Variants in CDK6 observed in about 807,000 individuals in gnomAD.
CDK6 encodes the protein cyclin dependent kinase 6.
CDK6 carries 6 observed loss-of-function variants against 37.1 expected under a neutral mutation model. That is an observed-to-expected ratio of 0.16 (90% CI 0.09 to 0.32). CDK6 has a LOEUF of 0.32. CDK6 is among the 10% of genes least tolerant of loss of function. The pLI, the probability that CDK6 is intolerant of heterozygous loss-of-function variation, is 1.00. For synonymous variants in CDK6, 160 were observed against 161.3 expected (o/e 0.99, Z 0.06); for missense variants, 224 against 418.9 (o/e 0.53, Z 4.06).
chr7:92,694,634 C>T (rs989591779), intron 4 of CDK6, among the ~76,000 whole-genome samples: 3 of 152,158 alleles, frequency 2.0e-5, no homozygotes, highest in Non-Finnish European at 2.9e-5. Context: ...GGCTAGAGAA[C>T]AATCATGTCT....
At chr7:92,709,035 T>C (rs1798028157) in intron 4 of CDK6, among the ~76,000 whole-genome samples, 1 of 152,186 alleles carries the variant, frequency 6.6e-6, no homozygotes, top group Non-Finnish European at 1.5e-5. Context: ...AAATTTCATA[T>C]CAGATTTTGA....
At chr7:92,826,602 G>C (rs1450213754) in intron 2 of CDK6, among the ~76,000 whole-genome samples, 1 of 152,126 alleles carries the variant, frequency 6.6e-6, no homozygotes, top group Non-Finnish European at 1.5e-5. Context: ...AACAAATACA[G>C]AGGAAGAACA....
At position 92,617,705 on chromosome 7, in the gene CDK6, G is replaced by A. The variant is rs73710418; in HGVS notation, c.834+367C>T. ...GTTGTGAATGTTTAAGAAAAGGCAC[G>A]TTAAAATGACAAACAAATTACTTAA... On this transcript the variant is annotated intron_variant, in intron 7 of 7. Coordinates refer to ENST00000424848, the MANE Select transcript of CDK6 (RefSeq NM_001145306.2). Among the ~76,000 whole-genome samples the A allele has an allele frequency of 2.9e-3, 435 of 152,274 alleles. 1 individual carries two copies. Among genetic ancestry groups the A allele is most frequent in the African/African-American group, 1.0e-2 (415 of 41,548 alleles).
intron 5 of CDK6, among the ~76,000 whole-genome samples, chr7:92,645,040 C>G (rs77183195): frequency 0.042 from 6,320 of 152,256 alleles, 178 homozygotes; most frequent in Non-Finnish European, 0.058. Context: ...GCATGGAAAG[C>G]AAATTGTTCA....
chr7:92,809,941 T>C (rs1415862909), intron 2 of CDK6, among the ~76,000 whole-genome samples: 1 of 152,174 alleles, frequency 6.6e-6, no homozygotes, highest in South Asian at 2.1e-4. Flanking sequence ...TTCAAAGGTA[T>C]GCGTACTTCC....
At chr7:92,670,185 T>C (rs1797043105) in intron 5 of CDK6, among the ~76,000 whole-genome samples, 1 of 152,196 alleles carries the variant, frequency 6.6e-6, no homozygotes, top group Non-Finnish European at 1.5e-5. Context: ...TTTGTTCTTA[T>C]TGGTAGGACT....
rs182847213 is a variant in CDK6 at position 92,786,885 on chromosome 7, A to C, written c.234-12054T>G. ...CCACATATGTAAACATAATGGTAGA[A>C]AGATAAATCAAGATGTGGCTGGGTG... is the stretch of plus-strand genomic sequence containing the variant. On this transcript the variant is annotated intron_variant, in intron 2 of 7. Coordinates refer to ENST00000424848, the MANE Select transcript of CDK6 (RefSeq NM_001145306.2). Among the ~76,000 whole-genome samples the C allele has an allele frequency of 1.2e-3, 178 of 152,186 alleles. 1 individual carries two copies. Among genetic ancestry groups the C allele is most frequent in the African/African-American group, 4.2e-3 (173 of 41,554 alleles).
chr7:92,773,553 A>T (rs1799772049), intron 3 of CDK6, among the ~76,000 whole-genome samples: 1 of 152,194 alleles, frequency 6.6e-6, no homozygotes, highest in Admixed American at 6.5e-5. Context: ...CAGAGGAAAG[A>T]GGGGTGCACA....
intron 3 of CDK6, among the ~76,000 whole-genome samples, chr7:92,726,042 A>G (rs944173508): frequency 6.6e-6 from 1 of 152,156 alleles, no homozygotes; most frequent in Non-Finnish European, 1.5e-5. Flanking sequence ...ATAGTTTTTG[A>G]TGGAATAGGA....
chr7:92,732,296 G>A (rs112967439), intron 3 of CDK6, among the ~76,000 whole-genome samples: 14,473 of 152,032 alleles, frequency 0.095, 802 homozygotes, highest in South Asian at 0.22. Context: ...TCATGCCTGT[G>A]GACCCAGCTA....
chr7:92,834,577 CCTTAAA>C lies in CDK6; in HGVS notation c.-367-893_-367-888del, dbSNP rs1308008184. On this transcript the variant is annotated intron_variant, in intron 1 of 7. Transcript: ENST00000424848. The surrounding 1 kb of genome is among the most constrained non-coding windows in gnomAD (Gnocchi z 4.6). The stretch of plus-strand genomic sequence containing the variant: ...TTCGCCACAATTTCGCTTGTCGTCT[CCTTAAA>C]GAATAACTTCAGGAAGGGGATAGCA... Among the ~76,000 whole-genome samples, 1 of 151,276 alleles carries C rather than the reference CCTTAAA, an allele frequency of 6.6e-6. No individual in the cohort carries two copies. Among genetic ancestry groups the C allele is most frequent in the Non-Finnish European group, 1.5e-5 (1 of 67,926 alleles).
chr7:92,679,800 A>T (rs766537999), intron 4 of CDK6, among the ~76,000 whole-genome samples: 3 of 150,550 alleles, frequency 2.0e-5, no homozygotes, highest in Non-Finnish European at 4.4e-5. Flanking sequence ...GGCTCACTGC[A>T]ACCTCGGTCT....
In CDK6 at chr7:92,834,454, G is replaced by A. The variant is rs1168492245; in HGVS notation, c.-367-764C>T. 6.6e-6 allele frequency among the ~76,000 whole-genome samples: 1 copy of A among 151,696 alleles called. No individual in the cohort carries two copies. The highest frequency in any genetic ancestry group is 1.9e-4 in the East Asian group (1 of 5,152). On this transcript the variant is annotated intron_variant, in intron 1 of 7. Transcript: ENST00000424848. The surrounding 1 kb of genome is among the most constrained non-coding windows in gnomAD (Gnocchi z 4.6). ...CCTTGGGAAGACCAGCCATCTGGTC[G>A]GGGAGGGTTGGGGCTTATCGGGGGT...
chr7:92,688,553 CTCT>C (rs1291384737), intron 4 of CDK6, among the ~76,000 whole-genome samples: 2 of 149,452 alleles, frequency 1.3e-5, no homozygotes, highest in African/African-American at 4.9e-5. Flanking sequence ...GTTTGTCCTC[CTCT>C]TGAGGTGTAT....
intron 6 of CDK6, among the ~76,000 whole-genome samples, chr7:92,621,900 G>A (rs1207533296): frequency 6.6e-6 from 1 of 152,098 alleles, no homozygotes; most frequent in Non-Finnish European, 1.5e-5. Flanking sequence ...AAGTCTAGCT[G>A]CTTCTAGTCA....
At chr7:92,797,031 CAGACTAG>C in intron 2 of CDK6, among the ~76,000 whole-genome samples, 1 of 152,158 alleles carries the variant, frequency 6.6e-6, no homozygotes, top group Non-Finnish European at 1.5e-5. Context: ...CCACATCGAA[CAGACTAG>C]GCTGTGATGA....
intron 2 of CDK6, among the ~76,000 whole-genome samples, chr7:92,786,048 A>G (rs1240857624): frequency 6.6e-6 from 1 of 152,244 alleles, no homozygotes; most frequent in Non-Finnish European, 1.5e-5. Context: ...GTATTTTTAA[A>G]AGCAAAGCGA....
At chr7:92,759,236 G>A (rs1562957341) in intron 3 of CDK6, among the ~76,000 whole-genome samples, 1 of 152,094 alleles carries the variant, frequency 6.6e-6, no homozygotes, top group African/African-American at 2.4e-5. Flanking sequence ...AAAAGACAAG[G>A]CGATGATTTT....
At chr7:92,818,455 A>T (rs374250829) in intron 2 of CDK6, among the ~76,000 whole-genome samples, 1 of 152,010 alleles carries the variant, frequency 6.6e-6, no homozygotes, top group Non-Finnish European at 1.5e-5. Context: ...ACTTGAATGC[A>T]TCACAAATCT....
Sources: allele counts gnomAD v4.1 joint callset (sites outside exome capture counted in the v4.1 genomes callset), GRCh38; gene constraint gnomAD v4.1.1; non-coding constraint Gnocchi (gnomAD v3.1); transcripts MANE v1.5; gene names NCBI Gene and HGNC (gene_info 2026-07-23, HGNC 2026-07-21).